The following PTPRD variants were observed in gnomAD, a reference collection of about 807,000 sequenced individuals.
PTPRD encodes receptor-type tyrosine-protein phosphatase delta.
Under a neutral mutation model 214.5 loss-of-function variants are expected in PTPRD, and 34 were observed. That is an observed-to-expected ratio of 0.16 (90% CI 0.12 to 0.21). The LOEUF (loss-of-function observed/expected upper bound fraction) is 0.21, where lower values mean the gene tolerates loss of function less well. Ranked by LOEUF, PTPRD falls within the 10% of genes least tolerant of loss-of-function variation. The probability of loss-of-function intolerance (pLI) is 1.00; values close to 1 mark genes in which losing one functional copy is unlikely to be tolerated. For missense variants in PTPRD, 2,545 were observed against 2,398.7 expected (o/e 1.06, Z -1.27); for synonymous variants, 1,128 against 845.7 (o/e 1.33, Z -5.79).
At chr9:9,869,391 G>A (rs1192654835) in intron 5 of PTPRD, among the ~76,000 whole-genome samples, 2 of 151,928 alleles carry the variant, frequency 1.3e-5, no homozygotes, top group Non-Finnish European at 2.9e-5. Flanking sequence ...GAAAGTTGTT[G>A]GGACACTTTA....
At chr9:9,747,951 T>C (rs1371428303) in intron 6 of PTPRD, among the ~76,000 whole-genome samples, 1 of 152,188 alleles carries the variant, frequency 6.6e-6, no homozygotes, top group African/African-American at 2.4e-5. Context: ...GTGGATTTCC[T>C]CTGAGTCACT....
chr9:9,434,227 G>C (rs371542106), intron 8 of PTPRD, among the ~76,000 whole-genome samples: 2 of 152,062 alleles, frequency 1.3e-5, no homozygotes, highest in South Asian at 2.1e-4. Flanking sequence ...ATCTCTCTGA[G>C]CTTCTTCACT....
intron 5 of PTPRD, among the ~76,000 whole-genome samples, chr9:9,811,888 T>A (rs1366151372): frequency 6.6e-6 from 1 of 152,114 alleles, no homozygotes; most frequent in Non-Finnish European, 1.5e-5. Context: ...TAAAATTCTA[T>A]CAAACAACAT....
intron 3 of PTPRD, among the ~76,000 whole-genome samples, chr9:10,215,604 G>C (rs2099537548): frequency 6.6e-6 from 1 of 151,934 alleles, no homozygotes; most frequent in Non-Finnish European, 1.5e-5. Flanking sequence ...CTAGTTATTT[G>C]CTACATGGAC....
intron 12 of PTPRD, among the ~76,000 whole-genome samples, chr9:8,652,868 A>T (rs1384342385): frequency 6.6e-6 from 1 of 152,190 alleles, no homozygotes. Context: ...AATCTTAGAG[A>T]ATTAGAAAAG....
chr9:8,434,362 A>T (rs554985813), intron 35 of PTPRD, among the ~76,000 whole-genome samples: 1 of 152,306 alleles, frequency 6.6e-6, no homozygotes, highest in Non-Finnish European at 1.5e-5. Context: ...AACTTGCTGT[A>T]AAGGATTGTA....
intron 2 of PTPRD, among the ~76,000 whole-genome samples, chr9:10,541,598 T>C (rs1476829602): frequency 6.6e-6 from 1 of 151,876 alleles, no homozygotes; most frequent in African/African-American, 2.4e-5. Context: ...TTAGTTACCA[T>C]TATTACATAT....
At chr9:8,701,973 T>G (rs73640943) in intron 12 of PTPRD, among the ~76,000 whole-genome samples, 7,588 of 152,254 alleles carry the variant, frequency 0.05, 630 homozygotes, top group African/African-American at 0.17. Context: ...AGGGTTTATT[T>G]ATACTGTTTA....
intron 4 of PTPRD, among the ~76,000 whole-genome samples, chr9:10,012,300 G>C (rs1235303310): frequency 1.3e-5 from 2 of 151,696 alleles, no homozygotes; most frequent in Non-Finnish European, 2.9e-5. Context: ...AAAGGGGGTA[G>C]GGTCGGTGGA....
chr9:9,375,808 G>C (rs1023244995), intron 9 of PTPRD, among the ~76,000 whole-genome samples: 8 of 152,112 alleles, frequency 5.3e-5, no homozygotes, highest in African/African-American at 1.7e-4. Flanking sequence ...AGGAGTTATT[G>C]TTTAATGGAT....
Position 8,517,945 on chromosome 9 carries a change from T to C in PTPRD, c.1446A>G (p.Leu482=). 2.5e-6 allele frequency: 4 copies of C among 1,614,198 alleles called. No individual in the cohort carries two copies. Among genetic ancestry groups the C allele is most frequent in the Non-Finnish European group, 3.4e-6 (4 of 1,180,016 alleles). ...ADSQITTIGN[L]VPQKTYSVKV... ...TGACAGAATATGTTTTCTGGGGCACTAAGTTGCCAATAGTAGTGATTTGGC... is the reference window on the plus strand; with the variant it reads ...TGACAGAATATGTTTTCTGGGGCACCAAGTTGCCAATAGTAGTGATTTGGC... Residue 482 remains leucine (L), a synonymous_variant, in exon 21 of 46, where the codon TTA becomes TTG. Transcript: ENST00000381196.
chr9:8,418,115 T>C (rs2094081651), intron 35 of PTPRD, among the ~76,000 whole-genome samples: 1 of 152,206 alleles, frequency 6.6e-6, no homozygotes, highest in Admixed American at 6.6e-5. Flanking sequence ...TGAATAATTT[T>C]AAATTCCAGC....
intron 11 of PTPRD, among the ~76,000 whole-genome samples, chr9:8,927,011 T>C (rs1897675): frequency 0.043 from 6,547 of 152,148 alleles, 458 homozygotes; most frequent in African/African-American, 0.15. Flanking sequence ...TGTCATCCAA[T>C]TGCAACCTTT....
At position 10,201,252 on chromosome 9, in the gene PTPRD, T is replaced by C. The variant is rs370063957; in HGVS notation, c.-545+139711A>G. Among the ~76,000 whole-genome samples the C allele has an allele frequency of 1.7e-3, 253 of 152,172 alleles. 6 individuals carry two copies. The South Asian group carries it at 0.037, about 22-fold the overall frequency. ...TAAAAAGCCATAAAGGTGTGAAACATTGATTTAGAAAATCTGATAAGATAA... is the reference window on the plus strand; with the variant it reads ...TAAAAAGCCATAAAGGTGTGAAACACTGATTTAGAAAATCTGATAAGATAA... On this transcript the variant is annotated intron_variant, in intron 3 of 45. Transcript: ENST00000381196.
At chr9:10,123,176 T>G (rs2098790206) in intron 3 of PTPRD, among the ~76,000 whole-genome samples, 1 of 152,174 alleles carries the variant, frequency 6.6e-6, no homozygotes, top group Non-Finnish European at 1.5e-5. Context: ...AAAAAAGATA[T>G]TGAGAAAGGG....
At chr9:10,334,426 C>A (rs758943379) in intron 3 of PTPRD, among the ~76,000 whole-genome samples, 1 of 145,700 alleles carries the variant, frequency 6.9e-6, no homozygotes, top group East Asian at 2.0e-4. Context: ...ATCTATCCCA[C>A]CCCCCACCAC....
At chr9:10,460,431 G>GA (rs995827531) in intron 2 of PTPRD, among the ~76,000 whole-genome samples, 179 of 138,062 alleles carry the variant, frequency 1.3e-3, no homozygotes, top group South Asian at 2.3e-3. Flanking sequence ...AAACAATTCT[G>GA]AAAAAAAAAA....
At chr9:9,186,983 TTGAG>T (rs1206626904) in intron 9 of PTPRD, among the ~76,000 whole-genome samples, 218 of 151,898 alleles carry the variant, frequency 1.4e-3, no homozygotes, top group African/African-American at 5.0e-3. Context: ...AATATGACTC[TTGAG>T]TATTATATAA....
At chr9:8,629,793 C>G (rs185281064) in intron 14 of PTPRD, among the ~76,000 whole-genome samples, 3 of 151,798 alleles carry the variant, frequency 2.0e-5, no homozygotes, top group Admixed American at 6.6e-5. Context: ...CACCTCCCCC[C>G]TCTCCTACTT....
Sources: allele counts gnomAD v4.1 joint callset (sites outside exome capture counted in the v4.1 genomes callset), GRCh38; gene constraint gnomAD v4.1.1; transcripts MANE v1.5; gene names NCBI Gene and HGNC (gene_info 2026-07-23, HGNC 2026-07-21).